Variants in AK4 observed in about 807,000 individuals in gnomAD.
The protein encoded by AK4 is adenylate kinase 4, mitochondrial.
Under a neutral mutation model 24.6 loss-of-function variants are expected in AK4, and 13 were observed. That is an observed-to-expected ratio of 0.53 (90% CI 0.34 to 0.84). AK4 has a LOEUF of 0.84. AK4 is among the 40% of genes least tolerant of loss of function. The pLI is 0.01. For missense variants in AK4, 192 were observed against 288.2 expected (o/e 0.67, Z 2.42); for synonymous variants, 88 against 107.0 (o/e 0.82, Z 1.10).
chr1:65,205,403 T>G (rs1481359222), intron 2 of AK4, among the ~76,000 whole-genome samples: 1 of 152,060 alleles, frequency 6.6e-6, no homozygotes, highest in Non-Finnish European at 1.5e-5. Context: ...CCCAGCTAGT[T>G]TTTTATTTTT....
At chr1:65,208,845 G>A (rs543280869) in intron 2 of AK4, among the ~76,000 whole-genome samples, 20 of 152,140 alleles carry the variant, frequency 1.3e-4, no homozygotes, top group Non-Finnish European at 2.1e-4. Flanking sequence ...GCTTGTTGCC[G>A]CAGCACCTCC....
intron 1 of AK4, among the ~76,000 whole-genome samples, chr1:65,161,107 A>T (rs536374532): frequency 5.3e-5 from 8 of 151,942 alleles, no homozygotes; most frequent in South Asian, 2.1e-4. Context: ...ATTTTTTTTT[A>T]AAAAACCTAA....
chr1:65,204,157 A>G (rs996933328), intron 2 of AK4, among the ~76,000 whole-genome samples: 1 of 152,098 alleles, frequency 6.6e-6, no homozygotes, highest in Non-Finnish European at 1.5e-5. Flanking sequence ...ATGTGTAAGA[A>G]GGCATCAGAC....
chr1:65,219,725 CTAATA>C (rs1411509619), intron 3 of AK4, among the ~76,000 whole-genome samples: 1 of 148,652 alleles, frequency 6.7e-6, no homozygotes, highest in African/African-American at 2.4e-5. Context: ...AGTTAATAAA[CTAATA>C]TAGAAAAGTT....
At chr1:65,207,108 T>A (rs1011452301) in intron 2 of AK4, among the ~76,000 whole-genome samples, 4 of 152,216 alleles carry the variant, frequency 2.6e-5, no homozygotes, top group Non-Finnish European at 4.4e-5. Context: ...AAAACCAAAT[T>A]TTCTGGAGTA....
intron 1 of AK4, among the ~76,000 whole-genome samples, chr1:65,174,543 C>G (rs57580878): frequency 5.9e-5 from 9 of 152,200 alleles, no homozygotes; most frequent in African/African-American, 2.2e-4. Context: ...CTGTTGGGAT[C>G]CTTTGCTCCC....
At chr1:65,179,339 T>G (rs758450878) in intron 1 of AK4, among the ~76,000 whole-genome samples, 21 of 152,280 alleles carry the variant, frequency 1.4e-4, no homozygotes, top group Non-Finnish European at 2.6e-4. Context: ...TCACAAACAT[T>G]GAGAGGCAGT....
At chr1:65,176,592 G>GTA (rs1194632224) in intron 1 of AK4, among the ~76,000 whole-genome samples, 7 of 152,092 alleles carry the variant, frequency 4.6e-5, no homozygotes, top group African/African-American at 1.7e-4. Flanking sequence ...GAACCTCTGT[G>GTA]GTTTAAGGAA....
intron 1 of AK4, among the ~76,000 whole-genome samples, chr1:65,150,093 C>G (rs1649715057): frequency 6.6e-6 from 1 of 152,146 alleles, no homozygotes; most frequent in South Asian, 2.1e-4. Context: ...CCATAATTCT[C>G]TGTACCTTAC....
At chr1:65,184,697 AC>A (rs768297780) in intron 1 of AK4, among the ~76,000 whole-genome samples, 9 of 152,182 alleles carry the variant, frequency 5.9e-5, no homozygotes, top group Non-Finnish European at 8.8e-5. Context: ...TTCCAAGCAA[AC>A]TGACAAGGGT....
chr1:65,219,826 T>C (rs1652244100), intron 3 of AK4, among the ~76,000 whole-genome samples: 1 of 152,224 alleles, frequency 6.6e-6, no homozygotes, highest in African/African-American at 2.4e-5. Context: ...ATGACATTTT[T>C]CCATCATTAC....
chr1:65,195,002 G>T (rs561028663), intron 2 of AK4, among the ~76,000 whole-genome samples: 30 of 152,244 alleles, frequency 2.0e-4, no homozygotes, highest in African/African-American at 7.2e-4. Flanking sequence ...AGTCTGTTTT[G>T]TGCTGCTATA....
At chr1:65,201,107 T>C (rs539438127) in intron 2 of AK4, among the ~76,000 whole-genome samples, 12 of 152,332 alleles carry the variant, frequency 7.9e-5, no homozygotes, top group Admixed American at 1.3e-4. Flanking sequence ...TCAGCTTTTT[T>C]GCTACCCTAG....
Position 65,181,154 on chromosome 1 carries a change from T to G in AK4, c.146-9556T>G, listed in dbSNP as rs533830063. Among the ~76,000 whole-genome samples, 14 of 150,510 alleles carry G rather than the reference T, an allele frequency of 9.3e-5. No homozygotes were observed. In the South Asian group the frequency reaches 3.0e-3, roughly 32 times the overall value. On this transcript the variant is annotated intron_variant, in intron 1 of 4. Coordinates refer to ENST00000327299, the MANE Select transcript of AK4 (RefSeq NM_013410.4). Reference sequence around the variant, plus strand: ...CAAAAAGAGGATACAGATGTGTGGGTGTGTGGGTGCTAGAAACAATAACAA... The same window carrying G: ...CAAAAAGAGGATACAGATGTGTGGGGGTGTGGGTGCTAGAAACAATAACAA...
chr1:65,197,605 C>T (rs1322607755), intron 2 of AK4, among the ~76,000 whole-genome samples: 1 of 152,112 alleles, frequency 6.6e-6, no homozygotes, highest in Non-Finnish European at 1.5e-5. Context: ...TGAATGTGTG[C>T]AGTGTTTGTG....
chr1:65,157,638 A>T (rs748214259), intron 1 of AK4, among the ~76,000 whole-genome samples: 1 of 152,034 alleles, frequency 6.6e-6, no homozygotes, highest in Non-Finnish European at 1.5e-5. Context: ...AATGTAAGAA[A>T]ATTAGCTGGG....
intron 2 of AK4, among the ~76,000 whole-genome samples, chr1:65,203,613 G>A (rs941295380): frequency 2.0e-5 from 3 of 152,114 alleles, no homozygotes; most frequent in Non-Finnish European, 4.4e-5. Flanking sequence ...AGACCAGCCT[G>A]ACCAATATGG....
At chr1:65,219,564 A>G (rs1652234956) in intron 3 of AK4, among the ~76,000 whole-genome samples, 1 of 152,248 alleles carries the variant, frequency 6.6e-6, no homozygotes, top group Non-Finnish European at 1.5e-5. Flanking sequence ...TAATATAGTC[A>G]GTAAAAAGAA....
At chr1:65,177,395 C>G (rs762254809) in intron 1 of AK4, among the ~76,000 whole-genome samples, 5 of 152,182 alleles carry the variant, frequency 3.3e-5, no homozygotes, top group Admixed American at 6.6e-5. Context: ...CAAATCCCTG[C>G]TGGCTTGGGA....
Sources: gnomAD v4.1 joint callset for allele counts (sites outside exome capture counted in the v4.1 genomes callset) on GRCh38, gnomAD v4.1.1 for gene constraint, MANE v1.5 for transcripts, NCBI Gene and HGNC (gene_info 2026-07-23, HGNC 2026-07-21) for gene names.